Variants in GLRX5 observed in about 807,000 individuals in gnomAD.
GLRX5 encodes glutaredoxin 5.
GLRX5 carries 10 observed loss-of-function variants against 13.8 expected under a neutral mutation model. The observed-to-expected ratio is 0.72, with a 90% CI of 0.45 to 1.23. GLRX5 has a LOEUF of 1.23. GLRX5 is among the 50% of genes most tolerant of loss of function. The pLI, the probability that GLRX5 is intolerant of heterozygous loss-of-function variation, is 0.00. For missense variants in GLRX5, 233 were observed against 215.2 expected (o/e 1.08, Z -0.52); for synonymous variants, 98 against 101.1 (o/e 0.97, Z 0.18).
chr14:95,535,156 G>T lies in GLRX5; in HGVS notation c.67G>T (p.Gly23Cys). 7.6e-7 allele frequency: 1 copy of T among 1,307,670 alleles called. No homozygotes were observed. The highest frequency in any genetic ancestry group is 3.7e-5 in the Admixed American group (1 of 27,384). 81.0% of individuals were successfully genotyped at this position (1,307,670 alleles called of 1,614,324 possible). A position where few individuals can be genotyped will look rare whatever the true frequency, so the allele number is the denominator to read the frequency against. The change falls in exon 1 of 2, where the codon GGC becomes TGC. Residue 23 changes from glycine to cysteine, a missense_variant. Coordinates refer to ENST00000331334, the MANE Select transcript of GLRX5 (RefSeq NM_016417.3). ...LRWGRGAGGGGLWGPGVRAAG... is the reference protein window; with the variant it reads ...LRWGRGAGGGCLWGPGVRAAG... ...CTGGGGGCGCGGCGCGGGCGGCGGT[G>T]GCCTTTGGGGTCCGGGCGTGCGGGC...
rs558986476 is a variant in GLRX5, at chr14:95,541,671, G to A, written c.296-2276G>A. Among the ~76,000 whole-genome samples the A allele has an allele frequency of 7.5e-4, 114 of 152,264 alleles. 2 individuals carry two copies. Among genetic ancestry groups the A allele is most frequent in the Middle Eastern group, 3.4e-3 (1 of 294 alleles). On this transcript the variant is annotated intron_variant, in intron 1 of 1. Transcript: ENST00000331334. ...GATTCTGGGGGTCTCCCCTTCTCTC[G>A]TAGTCAGGACATATGATCAACAGCA...
In GLRX5 at chr14:95,535,413, TC is replaced by T. The variant is rs747127956; in HGVS notation, c.295+31del. On this transcript the variant is annotated intron_variant, in intron 1 of 1. Coordinates refer to ENST00000331334, the MANE Select transcript of GLRX5 (RefSeq NM_016417.3). ...AGGCCAGTGTGCCGGGCAGGCGCCCTCCGCCCCGGGCCCAGGAGCATCGCTG... is the reference window on the plus strand; with the variant it reads ...AGGCCAGTGTGCCGGGCAGGCGCCCTCGCCCCGGGCCCAGGAGCATCGCTG... The T allele has an allele frequency of 1.2e-4, 191 of 1,538,080 alleles. 5 individuals are homozygous for T. The South Asian group carries it at 2.0e-3, about 16-fold the overall frequency.
chr14:95,544,205 G>GT lies in GLRX5; in HGVS notation c.*84dup, dbSNP rs1891520956. 3.1e-6 allele frequency: 4 copies of GT among 1,294,874 alleles called. No individual in the cohort carries two copies. In the East Asian group the frequency reaches 9.8e-5, roughly 32 times the overall value. The allele number at this position is 1,294,874 out of a possible 1,614,324, so 80.2% of individuals were successfully genotyped here. A position where few individuals can be genotyped will look rare whatever the true frequency, so the allele number is the denominator to read the frequency against. ...TGCCAGAAAAGCCTTACCCATTTTG[G>GT]TTTTCACTATTGAGACCGCAACTGC... On this transcript the variant is annotated 3_prime_UTR_variant, in exon 2 of 2. Transcript: ENST00000331334.
chr14:95,537,544 T>G (rs2145976), intron 1 of GLRX5, among the ~76,000 whole-genome samples: 129,143 of 152,270 alleles, frequency 0.85, 55,582 homozygotes, highest in Non-Finnish European at 0.93. Context: ...TTCAGCCAGG[T>G]TATTAAGACT....
In GLRX5 at chr14:95,543,910, A is replaced by G. The variant is rs1195839456; in HGVS notation, c.296-37A>G. ...TTTAGTCATGAATGGTTCAGCTTTT[A>G]CCATTTAAATAACAAATAAATGTTC... On this transcript the variant is annotated intron_variant, in intron 1 of 1. Transcript: ENST00000331334. 3.8e-6 allele frequency: 6 copies of G among 1,566,816 alleles called. No individual in the cohort carries two copies. The Admixed American group carries it at 6.7e-5, about 17-fold the overall frequency.
chr14:95,535,601 T>C (rs1891358978), intron 1 of GLRX5, among the ~76,000 whole-genome samples: 1 of 152,200 alleles, frequency 6.6e-6, no homozygotes, highest in South Asian at 2.1e-4. Flanking sequence ...GATCTGGGGC[T>C]CTGTACTGTT....
At chr14:95,535,733 C>T (rs1349181350) in intron 1 of GLRX5, among the ~76,000 whole-genome samples, 1 of 152,176 alleles carries the variant, frequency 6.6e-6, no homozygotes, top group African/African-American at 2.4e-5. Flanking sequence ...TGCCTGACTG[C>T]TCTGCACGGT....
At chr14:95,540,758 C>T (rs1012124287) in intron 1 of GLRX5, among the ~76,000 whole-genome samples, 2 of 152,110 alleles carry the variant, frequency 1.3e-5, no homozygotes, top group African/African-American at 4.8e-5. Flanking sequence ...GAGGTTCTAC[C>T]AGGAAAAATA....
At chr14:95,541,442 C>T (rs1047142041) in intron 1 of GLRX5, among the ~76,000 whole-genome samples, 1 of 152,198 alleles carries the variant, frequency 6.6e-6, no homozygotes, top group African/African-American at 2.4e-5. Flanking sequence ...AGGGTGCCAA[C>T]GTTTGGCCTT....
intron 1 of GLRX5, among the ~76,000 whole-genome samples, chr14:95,536,529 C>A (rs1031429869): frequency 1.3e-5 from 2 of 152,176 alleles, no homozygotes; most frequent in Admixed American, 1.3e-4. Context: ...ATGAGACAGG[C>A]TGGTGTTTGG....
In GLRX5 at chr14:95,541,017, G is replaced by A. The variant is rs150099686; in HGVS notation, c.296-2930G>A. 5.3e-5 allele frequency among the ~76,000 whole-genome samples: 8 copies of A among 152,288 alleles called. No individual in the cohort carries two copies. In the East Asian group the frequency reaches 1.4e-3, roughly 26 times the overall value. Reference sequence around the variant, plus strand: ...TTGTAAGATAGCCTCCTAACTCCCAGTTCCTAGTGTTACTCTGCCATATAA... The same window carrying A: ...TTGTAAGATAGCCTCCTAACTCCCAATTCCTAGTGTTACTCTGCCATATAA... On this transcript the variant is annotated intron_variant, in intron 1 of 1. Coordinates refer to ENST00000331334, the MANE Select transcript of GLRX5 (RefSeq NM_016417.3).
At position 95,544,474 on chromosome 14, in the gene GLRX5, A is replaced by G. The variant is rs1441588044; in HGVS notation, c.*349A>G. 8.4e-6 allele frequency: 2 copies of G among 237,504 alleles called. No homozygotes were observed. The highest frequency in any genetic ancestry group is 4.5e-5 in the African/African-American group (2 of 44,548). 14.7% of individuals were successfully genotyped at this position (237,504 alleles called of 1,614,324 possible). ...CCCTCTGCAAATGTGTCAGTCTCCA[A>G]AGAGAGTATCTCCCCCCAAATTTTG... On this transcript the variant is annotated 3_prime_UTR_variant, in exon 2 of 2. Transcript: ENST00000331334.
Position 95,544,057 on chromosome 14 carries a change from G to A in GLRX5, c.406G>A (p.Glu136Lys). 1 of 1,614,124 alleles carries A rather than the reference G, an allele frequency of 6.2e-7. No homozygotes were observed. The change falls in exon 2 of 2, where the codon GAA becomes AAA. Residue 136 changes from glutamate (E) to lysine (K), a missense_variant. Physicochemically the swap from Glu to Lys is moderately conservative, Grantham distance 56 (BLOSUM62 1). Transcript: ENST00000331334. Reference protein sequence around the residue: ...LQMHQNGDLVEELKKLGIHSA... With the variant: ...LQMHQNGDLVKELKKLGIHSA... ...GATGCACCAGAATGGGGACTTGGTGGAAGAACTGAAAAAGCTGGGGATCCA... is the reference window on the plus strand; with the variant it reads ...GATGCACCAGAATGGGGACTTGGTGAAAGAACTGAAAAAGCTGGGGATCCA...
intron 1 of GLRX5, among the ~76,000 whole-genome samples, chr14:95,538,877 C>T (rs1467740830): frequency 6.6e-6 from 1 of 152,202 alleles, no homozygotes; most frequent in Non-Finnish European, 1.5e-5. Context: ...ACGAAGTAGA[C>T]TGGATTTGGC....
At chr14:95,541,780 T>C (rs1391595992) in intron 1 of GLRX5, among the ~76,000 whole-genome samples, 2 of 152,262 alleles carry the variant, frequency 1.3e-5, no homozygotes, top group African/African-American at 4.8e-5. Flanking sequence ...GCAATTTTAC[T>C]TTAAAAACAT....
intron 1 of GLRX5, among the ~76,000 whole-genome samples, chr14:95,535,786 C>T (rs1334409730): frequency 6.6e-6 from 1 of 152,124 alleles, no homozygotes; most frequent in Non-Finnish European, 1.5e-5. Context: ...TAGGTACTTT[C>T]GCGGACACTT....
chr14:95,535,106 G>C lies in GLRX5; in HGVS notation c.17G>C (p.Gly6Ala). The change falls in exon 1 of 2, where the codon GGC (glycine) becomes GCC (alanine). Residue 6 changes from glycine (G) to alanine (A), a missense_variant. By Grantham distance (60) the Gly-to-Ala change is moderately conservative (BLOSUM62 0). Transcript: ENST00000331334. MSGSL[G>A]RAAAALLRWG... is the part of the protein sequence containing the mutation. ...CGTGCGGAGATGAGCGGGTCCCTCG[G>C]CCGAGCTGCGGCGGCTCTGCTCCGC... 1 of 1,314,154 alleles carries C rather than the reference G, an allele frequency of 7.6e-7. No individual in the cohort carries two copies. Among genetic ancestry groups the C allele is most frequent in the Non-Finnish European group, 9.8e-7 (1 of 1,018,590 alleles). 81.4% of individuals were successfully genotyped at this position (1,314,154 alleles called of 1,614,324 possible).
chr14:95,536,864 GTC>G (rs1399225765), intron 1 of GLRX5, among the ~76,000 whole-genome samples: 2 of 152,140 alleles, frequency 1.3e-5, no homozygotes, highest in Non-Finnish European at 2.9e-5. Flanking sequence ...GAGTTGAGGA[GTC>G]GAGAGGGCAG....
At position 95,535,157 on chromosome 14, in the gene GLRX5, G is replaced by C; in HGVS notation, c.68G>C (p.Gly23Ala). 2 of 1,316,254 alleles carry C rather than the reference G, an allele frequency of 1.5e-6. No individual in the cohort carries two copies. The highest frequency in any genetic ancestry group is 4.4e-5 in the South Asian group (2 of 45,772). The allele number at this position is 1,316,254 out of a possible 1,614,324, so 81.5% of individuals were successfully genotyped here. A position where few individuals can be genotyped will look rare whatever the true frequency, so the allele number is the denominator to read the frequency against. Reference sequence around the variant, plus strand: ...TGGGGGCGCGGCGCGGGCGGCGGTGGCCTTTGGGGTCCGGGCGTGCGGGCG... The same window carrying C: ...TGGGGGCGCGGCGCGGGCGGCGGTGCCCTTTGGGGTCCGGGCGTGCGGGCG... ...LRWGRGAGGG[G>A]LWGPGVRAAG... Residue 23 changes from glycine to alanine, a missense_variant, in exon 1 of 2, where the codon GGC becomes GCC. Coordinates refer to ENST00000331334, the MANE Select transcript of GLRX5 (RefSeq NM_016417.3).
Sources: gnomAD v4.1 joint callset for allele counts (sites outside exome capture counted in the v4.1 genomes callset) on GRCh38, gnomAD v4.1.1 for gene constraint, MANE v1.5 for transcripts, NCBI Gene and HGNC (gene_info 2026-07-23, HGNC 2026-07-21) for gene names.